Variants in SLU7 observed in about 807,000 individuals in gnomAD.
The protein encoded by SLU7 is pre-mRNA-splicing factor SLU7.
In SLU7, 60 loss-of-function variants were observed where a neutral mutation model predicts 87.0. That is an observed-to-expected ratio of 0.69 (90% CI 0.56 to 0.86). The LOEUF (loss-of-function observed/expected upper bound fraction) is 0.86, where lower values mean the gene tolerates loss of function less well. Among genes scored for constraint, SLU7 ranks in the 40% least tolerant of loss-of-function variants. The pLI is 0.00. For missense variants in SLU7, 507 were observed against 686.6 expected (o/e 0.74, Z 2.92); for synonymous variants, 197 against 222.0 (o/e 0.89, Z 1.00).
rs71603664 is a variant in SLU7, at chr5:160,415,923, C to T, written c.-16-613G>A. Among the ~76,000 whole-genome samples, 674 of 152,058 alleles carry T rather than the reference C, an allele frequency of 4.4e-3. 4 individuals are homozygous for T. The highest frequency in any genetic ancestry group is 6.8e-3 in the Non-Finnish European group (461 of 67,978). On this transcript the variant is annotated intron_variant, in intron 1 of 15. Transcript: ENST00000297151. ...TCTTTTTTTTTTAGAGACAGAGTCT[C>T]GCTCTGTTGCCCAGGCTGGAGTGCA...
chr5:160,414,654 A>G (rs974425746), intron 2 of SLU7, among the ~76,000 whole-genome samples, 182 bp from the exon 3 acceptor site: 1 of 152,164 alleles, frequency 6.6e-6, no homozygotes, highest in Non-Finnish European at 1.5e-5. Flanking sequence ...GAAGTAATTT[A>G]TTTTAGAGTG....
Position 160,406,632 on chromosome 5 carries a change from A to T in SLU7, c.1126-3T>A. The T allele has an allele frequency of 6.3e-7, 1 of 1,599,294 alleles. No individual in the cohort carries two copies. Among genetic ancestry groups the T allele is most frequent in the Non-Finnish European group, 8.5e-7 (1 of 1,173,786 alleles). ...TCCAAATGTTCTTGGCCACCATACT[A>T]AAAGGACATTGGACATTATTCAATA... On this transcript the variant is annotated splice_region_variant and splice_polypyrimidine_tract_variant and intron_variant, in intron 11 of 15. Transcript: ENST00000297151.
Position 160,412,534 on chromosome 5 carries a change from A to AAAAAG in SLU7, c.571-16_571-15insCTTTT. The AAAAAG allele has an allele frequency of 3.9e-6, 5 of 1,283,570 alleles. No homozygotes were observed. The South Asian group carries it at 4.8e-5, about 12-fold the overall frequency. The allele number at this position is 1,283,570 out of a possible 1,614,324, so 79.5% of individuals were successfully genotyped here. ...GTTCGTTTTGCCTTTAAAAAAAAAAAAAAGAAAGAAAGAAAGAAAAAGTAA... is the reference window on the plus strand; with the variant it reads ...GTTCGTTTTGCCTTTAAAAAAAAAAAAAAAGAAAGAAAGAAAGAAAGAAAAAGTAA... On this transcript the variant is annotated splice_polypyrimidine_tract_variant and intron_variant, in intron 5 of 15. Transcript: ENST00000297151.
chr5:160,401,985 T>C lies in SLU7; in HGVS notation c.*1300A>G, dbSNP rs1418947506. On this transcript the variant is annotated 3_prime_UTR_variant, in exon 16 of 16. Coordinates refer to ENST00000297151, the MANE Select transcript of SLU7 (RefSeq NM_006425.5). ...AGTTGATATACTGATGTCAGAGGTTTTGTTAGGCTGTTTTCACTGATTCTA... is the reference window on the plus strand; with the variant it reads ...AGTTGATATACTGATGTCAGAGGTTCTGTTAGGCTGTTTTCACTGATTCTA... 2.2e-5 allele frequency: 3 copies of C among 134,720 alleles called. No homozygotes were observed. The highest frequency in any genetic ancestry group is 5.0e-4 in the South Asian group (2 of 4,002). The allele number at this position is 134,720 out of a possible 1,614,324, so 8.3% of individuals were successfully genotyped here. A position where few individuals can be genotyped will look rare whatever the true frequency, so the allele number is the denominator to read the frequency against.
chr5:160,412,541 A>AAAAAAAT, intron 5 of SLU7, 22 bp from the exon 6 acceptor site: 1 of 1,411,532 alleles, frequency 7.1e-7, no homozygotes, highest in Non-Finnish European at 9.5e-7. Context: ...AAAAAAAGAA[A>AAAAAAAT]GAAAGAAAGA....
At chr5:160,414,212 G>T in intron 3 of SLU7, 107 bp downstream of exon 3, 1 of 899,482 alleles carries the variant, frequency 1.1e-6, no homozygotes, top group Non-Finnish European at 1.7e-6. Context: ...ACCAGATAAA[G>T]GGTTTTATTA....
At chr5:160,408,265 G>C in intron 8 of SLU7, 64 bp downstream of exon 8, 1 of 1,522,960 alleles carries the variant, frequency 6.6e-7, no homozygotes, top group South Asian at 1.2e-5. Context: ...ACCCAGAGTC[G>C]ATAAAATTTA....
chr5:160,409,668 C>T (rs762158160), intron 6 of SLU7, among the ~76,000 whole-genome samples: 11 of 151,948 alleles, frequency 7.2e-5, no homozygotes, highest in Non-Finnish European at 8.8e-5. Context: ...TTTCAAAACA[C>T]TGGGAAAAAA....
intron 6 of SLU7, among the ~76,000 whole-genome samples, chr5:160,410,692 C>A (rs1765194745): frequency 6.6e-6 from 1 of 152,002 alleles, no homozygotes; most frequent in Non-Finnish European, 1.5e-5. Flanking sequence ...TACATTAGAA[C>A]AAAAGAAACA....
chr5:160,404,700 G>T, intron 14 of SLU7, 109 bp downstream of exon 14: 1 of 919,284 alleles, frequency 1.1e-6, no homozygotes, highest in Non-Finnish European at 1.7e-6. Flanking sequence ...GCTCGAGCCT[G>T]GGCGACAGAA....
rs1764921039 is a variant in SLU7, at chr5:160,404,521, C to T, written c.1500G>A (p.Lys500=). The T allele has an allele frequency of 6.2e-7, 1 of 1,609,718 alleles. No individual in the cohort carries two copies. Among genetic ancestry groups the T allele is most frequent in the Non-Finnish European group, 8.5e-7 (1 of 1,177,656 alleles). Residue 500 remains lysine, a synonymous_variant, in exon 15 of 16, where the codon AAG becomes AAA. Transcript: ENST00000297151. The stretch of plus-strand genomic sequence containing the variant: ...GATGCTTCTTCTTTTTCTTTTTCTT[C>T]TTCTTCTTTTCCTCTTTCAGTTTTT... ...HQEKLKEEKK[K]KKKKKKKHRK...
Position 160,407,090 on chromosome 5 carries a change from T to C in SLU7, c.1125+386A>G, listed in dbSNP as rs1765045156. Among the ~76,000 whole-genome samples the C allele has an allele frequency of 6.6e-6, 1 of 152,152 alleles. No individual in the cohort carries two copies. The highest frequency in any genetic ancestry group is 2.4e-5 in the African/African-American group (1 of 41,440). Reference sequence around the variant, plus strand: ...ATTTTAAAAAGCTGTGCTACCCTACTAGAGGATGAAAGACCACATGGGGTG... The same window carrying C: ...ATTTTAAAAAGCTGTGCTACCCTACCAGAGGATGAAAGACCACATGGGGTG... On this transcript the variant is annotated intron_variant, in intron 11 of 15. Transcript: ENST00000297151. The surrounding 1 kb of genome is among the most constrained non-coding windows in gnomAD (Gnocchi z 4.2).
chr5:160,415,305 C>T lies in SLU7; in HGVS notation c.-11G>A, dbSNP rs376384776. On this transcript the variant is annotated 5_prime_UTR_variant, in exon 2 of 16. Coordinates refer to ENST00000297151, the MANE Select transcript of SLU7 (RefSeq NM_006425.5). ...AACTGTGGCTGACATGGTTATCTGG[C>T]CTCCTCTAGGAAAAGAAGTGAAACT... is the stretch of plus-strand genomic sequence containing the variant. 88 of 1,554,736 alleles carry T rather than the reference C, an allele frequency of 5.7e-5. No individual in the cohort carries two copies. In the African/African-American group the frequency reaches 1.1e-3, roughly 19 times the overall value.
In SLU7 at chr5:160,410,821, T is replaced by C. The variant is rs143620540; in HGVS notation, c.639+1630A>G. ...ATAAGCTTCCTGGGGGTAGGTGTTA[T>C]CATTTCTATTTCAGACATACTAAAC... On this transcript the variant is annotated intron_variant, in intron 6 of 15. Transcript: ENST00000297151. 2.6e-3 allele frequency among the ~76,000 whole-genome samples: 393 copies of C among 152,200 alleles called. 1 individual carries two copies. The highest frequency in any genetic ancestry group is 8.4e-3 in the African/African-American group (347 of 41,516).
chr5:160,414,615 T>C (rs927462528), intron 2 of SLU7, 143 bp from the exon 3 acceptor site: 2 of 441,314 alleles, frequency 4.5e-6, no homozygotes, highest in Admixed American at 8.2e-5. Context: ...GCTATCTCTA[T>C]ACTATAATAA....
chr5:160,408,569 G>A (rs1765101846), intron 7 of SLU7, 81 bp downstream of exon 7: 5 of 1,400,842 alleles, frequency 3.6e-6, no homozygotes, highest in Non-Finnish European at 5.0e-6. Flanking sequence ...TTCTTTAAAA[G>A]CTATTATTAG....
chr5:160,406,162 T>C (rs1322726991), intron 12 of SLU7, among the ~76,000 whole-genome samples: 2 of 152,226 alleles, frequency 1.3e-5, no homozygotes, highest in Non-Finnish European at 2.9e-5. Context: ...ATACATAAAC[T>C]ATATGTGTGT....
At chr5:160,415,693 C>T (rs1581075553) in intron 1 of SLU7, among the ~76,000 whole-genome samples, 1 of 152,138 alleles carries the variant, frequency 6.6e-6, no homozygotes, top group Non-Finnish European at 1.5e-5. Flanking sequence ...ATATTCACTG[C>T]CTCCATTTCC....
chr5:160,418,337 T>C (rs1342210039), intron 1 of SLU7, among the ~76,000 whole-genome samples: 2 of 152,116 alleles, frequency 1.3e-5, no homozygotes, highest in Non-Finnish European at 2.9e-5. Flanking sequence ...CAAGAACACA[T>C]TGTAGTAAGA....
Sources: gnomAD v4.1 joint callset for allele counts (sites outside exome capture counted in the v4.1 genomes callset) on GRCh38, gnomAD v4.1.1 for gene constraint, Gnocchi (gnomAD v3.1) non-coding constraint, MANE v1.5 for transcripts, NCBI Gene and HGNC (gene_info 2026-07-23, HGNC 2026-07-21) for gene names.